DPYD: variants seen among roughly 807,000 people sequenced by gnomAD.
The protein encoded by DPYD is dihydropyrimidine dehydrogenase, also known as dihydropyrimidine dehydrogenase [NADP(+)].
A neutral mutation model predicts 116.2 loss-of-function variants in DPYD; 109 were observed. The observed-to-expected ratio is 0.94, with a 90% CI of 0.80 to 1.10. The LOEUF (loss-of-function observed/expected upper bound fraction) is 1.10, where lower values mean the gene tolerates loss of function less well. Among genes scored for constraint, DPYD ranks in the 50% least tolerant of loss-of-function variants. DPYD has a pLI of 0.00. For missense variants in DPYD, 1,302 were observed against 1,254.5 expected, an observed-to-expected ratio of 1.04 and a Z score of -0.57; for synonymous variants, 440 against 432.0, an observed-to-expected ratio of 1.02 and a Z score of -0.23.
chr1:97,208,623 T>C (rs922993026), intron 19 of DPYD, among the ~76,000 whole-genome samples: 1 of 152,118 alleles, frequency 6.6e-6, no homozygotes, highest in Non-Finnish European at 1.5e-5. Context: ...CTTCAAAAAC[T>C]TTCTCTATTA....
intron 4 of DPYD, among the ~76,000 whole-genome samples, chr1:97,732,343 C>T (rs1054152687): frequency 6.6e-6 from 1 of 151,818 alleles, no homozygotes; most frequent in African/African-American, 2.4e-5. Context: ...GGCATGGTGG[C>T]ACACGCCTGT....
intron 20 of DPYD, among the ~76,000 whole-genome samples, chr1:97,182,358 C>T (rs892286133): frequency 6.6e-6 from 1 of 152,120 alleles, no homozygotes; most frequent in African/African-American, 2.4e-5. Context: ...GCAGTACATT[C>T]TGATCTGATA....
At chr1:97,862,367 A>T (rs1409877550) in intron 2 of DPYD, among the ~76,000 whole-genome samples, 1 of 151,936 alleles carries the variant, frequency 6.6e-6, no homozygotes, top group Non-Finnish European at 1.5e-5. Context: ...AGGAGAAACA[A>T]GCCAGACACA....
intron 2 of DPYD, among the ~76,000 whole-genome samples, chr1:97,839,946 T>C (rs960817561): frequency 1.2e-4 from 19 of 152,314 alleles, no homozygotes; most frequent in Non-Finnish European, 2.5e-4. Flanking sequence ...TCTTTTCATG[T>C]GTTTATCGGC....
At chr1:97,144,008 C>T (rs1236526950) in intron 20 of DPYD, among the ~76,000 whole-genome samples, 1 of 152,144 alleles carries the variant, frequency 6.6e-6, no homozygotes, top group Admixed American at 6.5e-5. Context: ...CCATGATTCT[C>T]TGGTCATCAA....
chr1:97,527,102 G>A (rs1466944614), intron 12 of DPYD, among the ~76,000 whole-genome samples: 4 of 149,274 alleles, frequency 2.7e-5, no homozygotes, highest in South Asian at 2.1e-4. Context: ...TTTTTGAGAC[G>A]GTGTGTTGCT....
intron 13 of DPYD, among the ~76,000 whole-genome samples, chr1:97,475,300 A>G (rs1301497096): frequency 6.6e-6 from 1 of 152,212 alleles, no homozygotes; most frequent in Non-Finnish European, 1.5e-5. Flanking sequence ...AACTCTAGAT[A>G]TATTAAAAAC....
intron 10 of DPYD, among the ~76,000 whole-genome samples, chr1:97,586,510 A>G (rs1383990663): frequency 3.6e-5 from 4 of 110,916 alleles, no homozygotes; most frequent in African/African-American, 1.4e-4. Flanking sequence ...ATATATATAT[A>G]TATATATATG....
At chr1:97,724,960 A>AGAGAGAGAGG (rs1227904610) in intron 4 of DPYD, among the ~76,000 whole-genome samples, 1 of 125,888 alleles carries the variant, frequency 7.9e-6, no homozygotes, top group Non-Finnish European at 1.8e-5. Flanking sequence ...GGAAAGAGAG[A>AGAGAGAGAGG]GAGAGAGAGA....
intron 1 of DPYD, among the ~76,000 whole-genome samples, chr1:97,889,089 G>GAACTCCA (rs1313640158): frequency 6.6e-6 from 1 of 151,932 alleles, no homozygotes; most frequent in Non-Finnish European, 1.5e-5. Flanking sequence ...CTCCAGAGGT[G>GAACTCCA]GAGGTTACAA....
chr1:97,335,039 T>C (rs1245738530), intron 16 of DPYD, among the ~76,000 whole-genome samples: 1 of 152,178 alleles, frequency 6.6e-6, no homozygotes, highest in Non-Finnish European at 1.5e-5. Flanking sequence ...AGAATGCCTG[T>C]CACTGTGACA....
chr1:97,203,160 A>G lies in DPYD; in HGVS notation c.2443-9912T>C, dbSNP rs1394111134. Among the ~76,000 whole-genome samples the G allele has an allele frequency of 2.0e-5, 3 of 152,190 alleles. No individual in the cohort carries two copies. In the East Asian group the frequency reaches 5.8e-4, roughly 30 times the overall value. On this transcript the variant is annotated intron_variant, in intron 19 of 22. Coordinates refer to ENST00000370192, the MANE Select transcript of DPYD (RefSeq NM_000110.4). ...AGGCTTTGGTGCTGCATCAGTTACC[A>G]CAGCAATTTTCAATTACTCTGCAGT...
intron 16 of DPYD, among the ~76,000 whole-genome samples, chr1:97,325,929 T>G (rs1337574425): frequency 6.6e-6 from 1 of 151,834 alleles, no homozygotes; most frequent in East Asian, 1.9e-4. Context: ...TTTGAAAGAT[T>G]TTGTGCCTTA....
At chr1:97,119,068 G>A (rs1007324699) in intron 20 of DPYD, among the ~76,000 whole-genome samples, 4 of 152,008 alleles carry the variant, frequency 2.6e-5, no homozygotes, top group Admixed American at 2.6e-4. Context: ...TGAACAACAA[G>A]CATTCATTAG....
At chr1:97,450,319 TC>T in intron 13 of DPYD, 96 bp from the exon 14 acceptor site, 3 of 1,352,180 alleles carry the variant, frequency 2.2e-6, no homozygotes, top group Non-Finnish European at 3.0e-6. Flanking sequence ...TTTTATGAGG[TC>T]CCTTCTCACA....
At chr1:97,393,932 T>C (rs2101611366) in intron 14 of DPYD, among the ~76,000 whole-genome samples, 1 of 152,280 alleles carries the variant, frequency 6.6e-6, no homozygotes, top group South Asian at 2.1e-4. Flanking sequence ...TTCCTATTTC[T>C]CCATATCCTC....
chr1:97,515,760 C>A lies in DPYD; in HGVS notation c.1706G>T (p.Gly569Val). The A allele has an allele frequency of 1.2e-6, 2 of 1,612,722 alleles. No homozygotes were observed. The highest frequency in any genetic ancestry group is 2.2e-5 in the South Asian group (2 of 91,054). The change falls in exon 13 of 23, where the codon GGT becomes GTT. Residue 569 changes from glycine (G) to valine (V), a missense_variant. Transcript: ENST00000370192. The part of the protein sequence containing the change: ...MIRRAFEAGW[G>V]FALTKTFSLD... ...AGAGAAAGTTTTGGTGAGGGCAAAA[C>A]CCCATCCAGCTTCAAAAGCTCTTCG...
chr1:97,543,905 C>T (rs922644716), intron 12 of DPYD, among the ~76,000 whole-genome samples: 4 of 152,012 alleles, frequency 2.6e-5, no homozygotes, highest in Admixed American at 6.6e-5. Flanking sequence ...ACTCCCTGGA[C>T]GAGGAGGAGA....
In DPYD at chr1:97,472,002, G is replaced by A. The variant is rs961227923; in HGVS notation, c.1741-21779C>T. On this transcript the variant is annotated intron_variant, in intron 13 of 22. Coordinates refer to ENST00000370192, the MANE Select transcript of DPYD (RefSeq NM_000110.4). ...GACAGGTTTAGAGACTTAAAGACAG[G>A]TCATATGAGAAACAGTTAAAAGAAA... Among the ~76,000 whole-genome samples the A allele has an allele frequency of 3.9e-5, 6 of 152,154 alleles. No homozygotes were observed. In the South Asian group the frequency reaches 1.2e-3, roughly 32 times the overall value.
Sources: allele counts gnomAD v4.1 joint callset (sites outside exome capture counted in the v4.1 genomes callset), GRCh38; gene constraint gnomAD v4.1.1; transcripts MANE v1.5; gene names NCBI Gene and HGNC (gene_info 2026-07-23, HGNC 2026-07-21).